The following CNIH3 variants were observed in gnomAD, a reference collection of about 807,000 sequenced individuals.
The protein encoded by CNIH3 is protein cornichon homolog 3.
CNIH3 carries 14 observed loss-of-function variants against 24.1 expected under a neutral mutation model. That is an observed-to-expected ratio of 0.58 (90% CI 0.38 to 0.91). The LOEUF (loss-of-function observed/expected upper bound fraction) is 0.91. Among genes scored for constraint, CNIH3 ranks in the 40% least tolerant of loss-of-function variants. The probability of loss-of-function intolerance (pLI) is 0.00; values close to 1 mark genes in which losing one functional copy is unlikely to be tolerated. For synonymous variants in CNIH3, 68 were observed against 73.8 expected (o/e 0.92, Z 0.40); for missense variants, 178 against 196.8 (o/e 0.90, Z 0.57).
chr1:224,457,346 A>G (rs1193957227), intron 1 of CNIH3, among the ~76,000 whole-genome samples: 2 of 150,722 alleles, frequency 1.3e-5, no homozygotes, highest in Non-Finnish European at 3.0e-5. Context: ...CTCCGCCCCT[A>G]CTGAAGGAAG....
intron 4 of CNIH3, among the ~76,000 whole-genome samples, chr1:224,582,790 G>A (rs1681333000): frequency 6.6e-6 from 1 of 152,182 alleles, no homozygotes; most frequent in Admixed American, 6.5e-5. Flanking sequence ...TAAGTTCGGA[G>A]GTTTGGAGCT....
chr1:224,735,724 G>A (rs1039289527), intron 5 of CNIH3, among the ~76,000 whole-genome samples: 5 of 152,020 alleles, frequency 3.3e-5, no homozygotes, highest in Admixed American at 3.3e-4. Context: ...TGGTGCCATC[G>A]CTGCTCACTG....
At chr1:224,599,107 T>C (rs1046603174) in intron 3 of CNIH3, among the ~76,000 whole-genome samples, 11 of 152,218 alleles carry the variant, frequency 7.2e-5, no homozygotes, top group Non-Finnish European at 1.5e-4. Context: ...AATAGATAAC[T>C]GCAAAAATTA....
intron 3 of CNIH3, among the ~76,000 whole-genome samples, chr1:224,688,815 C>T (rs1266833874): frequency 6.6e-6 from 1 of 151,398 alleles, no homozygotes; most frequent in East Asian, 1.9e-4. Context: ...ATCCCAGCTA[C>T]TCGGGAGGCT....
intron 1 of CNIH3, among the ~76,000 whole-genome samples, chr1:224,473,457 C>T (rs1277033036): frequency 6.6e-6 from 1 of 152,148 alleles, no homozygotes; most frequent in African/African-American, 2.4e-5. Flanking sequence ...ATACACTTCA[C>T]CACTTCTATG....
chr1:224,500,922 C>T (rs1213605197), intron 1 of CNIH3, among the ~76,000 whole-genome samples: 5 of 152,130 alleles, frequency 3.3e-5, no homozygotes, highest in African/African-American at 9.7e-5. Flanking sequence ...AGGAAGCAGC[C>T]GGCATCTGTG....
Position 224,684,941 on chromosome 1 carries a change from G to A in CNIH3, c.198+98G>A. 1 of 1,177,418 alleles carries A rather than the reference G, an allele frequency of 8.5e-7. No homozygotes were observed. Among genetic ancestry groups the A allele is most frequent in the Non-Finnish European group, 1.3e-6 (1 of 783,076 alleles). 72.9% of individuals were successfully genotyped at this position (1,177,418 alleles called of 1,614,324 possible). A position where few individuals can be genotyped will look rare whatever the true frequency, so the allele number is the denominator to read the frequency against. The stretch of plus-strand genomic sequence containing the variant: ...GTGAGGCTCTGCCTGCTCCAGTCCT[G>A]TCCACCAGGGAGGCAAATGGTGGCA... On this transcript the variant is annotated intron_variant, in intron 3 of 5. Transcript: ENST00000272133. The surrounding 1 kb of genome is among the most constrained non-coding windows in gnomAD (Gnocchi z 4.2).
chr1:224,723,439 A>C (rs1290171232), intron 3 of CNIH3, among the ~76,000 whole-genome samples: 2 of 152,174 alleles, frequency 1.3e-5, no homozygotes, highest in Admixed American at 1.3e-4. Flanking sequence ...GTGTGGATTA[A>C]ATGTGCTCAG....
intron 3 of CNIH3, among the ~76,000 whole-genome samples, chr1:224,726,748 T>C (rs191543114): frequency 2.6e-5 from 4 of 152,326 alleles, no homozygotes; most frequent in East Asian, 1.9e-4. Context: ...ACAATACTTA[T>C]ATTGAGATTT....
chr1:224,666,223 G>C (rs986966822), intron 1 of CNIH3, among the ~76,000 whole-genome samples: 1 of 152,124 alleles, frequency 6.6e-6, no homozygotes, highest in African/African-American at 2.4e-5. Context: ...CTTTCCATGA[G>C]CCCAGGTGAT....
At chr1:224,620,105 A>G (rs921604315) in intron 1 of CNIH3, among the ~76,000 whole-genome samples, 65 of 152,324 alleles carry the variant, frequency 4.3e-4, no homozygotes, top group African/African-American at 1.5e-3. Flanking sequence ...TCAGTTGAAA[A>G]TATTTCAAGT....
intron 2 of CNIH3, among the ~76,000 whole-genome samples, chr1:224,534,129 C>A (rs1679189357): frequency 6.6e-6 from 1 of 152,222 alleles, no homozygotes; most frequent in South Asian, 2.1e-4. Context: ...CATGCCACTG[C>A]ACTCTAGCCT....
At chr1:224,694,773 TAAAG>T (rs1450511078) in intron 3 of CNIH3, among the ~76,000 whole-genome samples, 1 of 152,154 alleles carries the variant, frequency 6.6e-6, no homozygotes, top group Admixed American at 6.5e-5. Context: ...AATAATGAAA[TAAAG>T]GCCTTTGCGG....
intron 1 of CNIH3, among the ~76,000 whole-genome samples, chr1:224,633,184 G>C (rs563764710): frequency 4.0e-4 from 60 of 151,834 alleles, no homozygotes; most frequent in African/African-American, 1.4e-3. Flanking sequence ...TTTGAGACAC[G>C]TTCTTGCTCT....
chr1:224,574,217 A>G (rs1680939536), intron 4 of CNIH3, among the ~76,000 whole-genome samples: 1 of 152,178 alleles, frequency 6.6e-6, no homozygotes, highest in Non-Finnish European at 1.5e-5. Context: ...AAAAGGACCC[A>G]CTGCTTCACG....
intron 1 of CNIH3, among the ~76,000 whole-genome samples, chr1:224,674,855 TATTGC>T (rs1686059847): frequency 6.6e-6 from 1 of 152,078 alleles, no homozygotes; most frequent in Non-Finnish European, 1.5e-5. Flanking sequence ...TGACCATGTA[TATTGC>T]ATTATCTTAC....
At chr1:224,585,875 T>A (rs1681487092) in intron 5 of CNIH3, among the ~76,000 whole-genome samples, 1 of 152,170 alleles carries the variant, frequency 6.6e-6, no homozygotes, top group Admixed American at 6.5e-5. Context: ...GGGTCGTGGT[T>A]TAGCTTTAAA....
intron 3 of CNIH3, among the ~76,000 whole-genome samples, chr1:224,700,048 C>T (rs1359164036): frequency 6.6e-6 from 1 of 152,166 alleles, no homozygotes; most frequent in East Asian, 1.9e-4. Context: ...ACTGCCACTG[C>T]ACTGTAGGAA....
At chr1:224,590,262 C>G (rs1475240235), downstream of CNIH3, among the ~76,000 whole-genome samples, 1 of 152,174 alleles carries the variant, frequency 6.6e-6, no homozygotes, top group Admixed American at 6.5e-5. Flanking sequence ...ATGATTAAAG[C>G]CCAAATTCCA....
Sources: gnomAD v4.1 joint callset for allele counts (sites outside exome capture counted in the v4.1 genomes callset) on GRCh38, gnomAD v4.1.1 for gene constraint, Gnocchi (gnomAD v3.1) non-coding constraint, MANE v1.5 for transcripts, NCBI Gene and HGNC (gene_info 2026-07-23, HGNC 2026-07-21) for gene names.